The following RXYLT1 variants were observed in gnomAD, a reference collection of about 807,000 sequenced individuals.
The protein encoded by RXYLT1 is ribitol-5-phosphate xylosyltransferase 1.
RXYLT1 carries 41 observed loss-of-function variants against 43.5 expected under a neutral mutation model. The observed-to-expected ratio is 0.94, with a 90% confidence interval of 0.73 to 1.22. The LOEUF (loss-of-function observed/expected upper bound fraction) is 1.22, where lower values mean the gene tolerates loss of function less well. Among genes scored for constraint, RXYLT1 ranks in the 50% most tolerant of loss-of-function variants. The pLI, the probability that RXYLT1 is intolerant of heterozygous loss-of-function variation, is 0.00. For synonymous variants in RXYLT1, 166 were observed against 194.4 expected, an observed-to-expected ratio of 0.85 and a Z score of 1.21; for missense variants, 514 against 532.0, an observed-to-expected ratio of 0.97 and a Z score of 0.33.
At chr12:63,787,928 C>T (rs1213128388) in intron 3 of RXYLT1, among the ~76,000 whole-genome samples, 1 of 152,088 alleles carries the variant, frequency 6.6e-6, no homozygotes, top group Non-Finnish European at 1.5e-5. Context: ...TCGTGTCTGG[C>T]CAAAAAGTAT....
intron 3 of RXYLT1, among the ~76,000 whole-genome samples, chr12:63,797,421 G>A (rs759938326): frequency 6.6e-6 from 1 of 152,212 alleles, no homozygotes; most frequent in Non-Finnish European, 1.5e-5. Flanking sequence ...TAAAGGAGGT[G>A]ATAGCTGAGC....
In RXYLT1 at chr12:63,802,398, G is replaced by A; in HGVS notation, c.736G>A (p.Val246Ile). The change falls in exon 4 of 6, where the codon GTA (valine) becomes ATA (isoleucine). Residue 246 changes from valine to isoleucine, a missense_variant. Coordinates refer to ENST00000261234, the MANE Select transcript of RXYLT1 (RefSeq NM_014254.3). ...GGATGTTTTTCAGTGGCCTTTAGGA[G>A]TAGCAACGTAAGTACAAAATATGAT... ...DVDVFQWPLG[V>I]ATYRNFPVVE... 1 of 1,569,180 alleles carries A rather than the reference G, an allele frequency of 6.4e-7. No homozygotes were observed. The highest frequency in any genetic ancestry group is 8.6e-7 in the Non-Finnish European group (1 of 1,156,354).
At position 63,809,443 on chromosome 12, in the gene RXYLT1, T is replaced by G. The variant is rs939504636; in HGVS notation, c.*351T>G. 2.2e-5 allele frequency: 4 copies of G among 179,464 alleles called. No individual in the cohort carries two copies. The highest frequency in any genetic ancestry group is 9.6e-5 in the African/African-American group (4 of 41,816). The allele number at this position is 179,464 out of a possible 1,614,324, so 11.1% of individuals were successfully genotyped here. ...GCAATTATGTCCTGTACATAATATT[T>G]AATAATGACAATAAATGACTATGTT... On this transcript the variant is annotated 3_prime_UTR_variant, in exon 6 of 6. Transcript: ENST00000261234.
chr12:63,806,968 A>AT (rs1266195544), intron 5 of RXYLT1: 1 of 152,216 alleles, frequency 6.6e-6, no homozygotes, highest in African/African-American at 2.4e-5. Context: ...CCCTCCTCCA[A>AT]TAATCTGGGC....
chr12:63,786,915 A>T (rs764110037), intron 3 of RXYLT1, among the ~76,000 whole-genome samples: 25 of 152,106 alleles, frequency 1.6e-4, no homozygotes, highest in Admixed American at 2.6e-4. Context: ...GGAGTTCGAG[A>T]CCAACCTGGC....
chr12:63,801,746 A>G (rs1898163392), intron 3 of RXYLT1, among the ~76,000 whole-genome samples: 3 of 152,130 alleles, frequency 2.0e-5, no homozygotes, highest in Admixed American at 6.5e-5. Context: ...CACCTGAGCC[A>G]GGGAAGTTGA....
intron 2 of RXYLT1, among the ~76,000 whole-genome samples, chr12:63,783,440 G>A (rs1022429455): frequency 9.9e-5 from 15 of 151,692 alleles, no homozygotes; most frequent in Admixed American, 8.5e-4. Context: ...CAGCCTGGGC[G>A]ACAGAGCGAG....
chr12:63,803,313 C>A (rs1268993943), intron 4 of RXYLT1, among the ~76,000 whole-genome samples: 1 of 151,336 alleles, frequency 6.6e-6, no homozygotes, highest in Non-Finnish European at 1.5e-5. Flanking sequence ...AGATAAGTTG[C>A]CACTAGTATA....
rs967273675 is a variant in RXYLT1, at chr12:63,808,504, A to G, written c.915-171A>G. ...AACTGTAAAATGTTCCAATTCTTCA[A>G]CATTTTTAAGAAATCTGTTTGGGCC... On this transcript the variant is annotated intron_variant, in intron 5 of 5. Coordinates refer to ENST00000261234, the MANE Select transcript of RXYLT1 (RefSeq NM_014254.3). 1.2e-5 allele frequency: 8 copies of G among 660,586 alleles called. No homozygotes were observed. In the South Asian group the frequency reaches 1.8e-4, roughly 15 times the overall value. The allele number at this position is 660,586 out of a possible 1,614,324, so 40.9% of individuals were successfully genotyped here.
At chr12:63,802,022 A>G in intron 3 of RXYLT1, 69 bp from the exon 4 acceptor site, 2 of 1,397,244 alleles carry the variant, frequency 1.4e-6, no homozygotes, top group Admixed American at 4.8e-5. Flanking sequence ...AAAATGATGA[A>G]TTTCTGATAC....
chr12:63,780,881 C>T (rs965160936), intron 1 of RXYLT1, 138 bp from the exon 2 acceptor site: 1 of 682,506 alleles, frequency 1.5e-6, no homozygotes, highest in Non-Finnish European at 2.2e-6. Context: ...TGTGTATTAC[C>T]AGTTTAAATT....
chr12:63,802,521 A>G (rs1898186705), intron 4 of RXYLT1, 116 bp downstream of exon 4: 2 of 929,404 alleles, frequency 2.2e-6, no homozygotes, highest in East Asian at 2.7e-5. Flanking sequence ...GAGGCCAGGT[A>G]CAGTCTTTCT....
chr12:63,794,125 A>T (rs1897977421), intron 3 of RXYLT1, among the ~76,000 whole-genome samples: 1 of 152,182 alleles, frequency 6.6e-6, no homozygotes, highest in Admixed American at 6.5e-5. Flanking sequence ...CTCCAGTAGG[A>T]TTCTCTGGGG....
intron 5 of RXYLT1, chr12:63,808,387 G>A (rs933629113): frequency 7.8e-6 from 3 of 386,678 alleles, no homozygotes; most frequent in Non-Finnish European, 9.2e-6. Context: ...GGCAAGGTAG[G>A]GAAGAGAGGA....
At chr12:63,803,601 C>G (rs1214046856) in intron 4 of RXYLT1, 2 of 152,122 alleles carry the variant, frequency 1.3e-5, no homozygotes, top group African/African-American at 4.8e-5. Flanking sequence ...CTATAACACC[C>G]TAACTCAGTA....
intron 3 of RXYLT1, among the ~76,000 whole-genome samples, chr12:63,799,073 G>A (rs1025824915): frequency 6.6e-6 from 1 of 152,158 alleles, no homozygotes; most frequent in Admixed American, 6.5e-5. Flanking sequence ...TGGCTTCGCA[G>A]TATTGACCCC....
At chr12:63,782,722 T>C (rs1592839885) in intron 2 of RXYLT1, 1 of 418,656 alleles carries the variant, frequency 2.4e-6, no homozygotes. Context: ...ACATGTATAA[T>C]CTCTTCAAAG....
Position 63,805,254 on chromosome 12 carries a change from T to G in RXYLT1, c.764T>G (p.Val255Gly), listed in dbSNP as rs1241144387. Residue 255 changes from valine to glycine, a missense_variant, in exon 5 of 6, where the codon GTG becomes GGG. Val to Gly is a moderately radical substitution (Grantham distance 109, BLOSUM62 -3). Transcript: ENST00000261234. The stretch of plus-strand genomic sequence containing the variant: ...TATAGATACAGGAATTTTCCTGTGG[T>G]GGAGGCAAGTTGGTCAATGCTGCAT... ...GVATYRNFPV[V>G]EASWSMLHDE... 6.2e-7 allele frequency: 1 copy of G among 1,600,764 alleles called. No homozygotes were observed. Among genetic ancestry groups the G allele is most frequent in the Admixed American group, 1.8e-5 (1 of 56,110 alleles).
intron 3 of RXYLT1, among the ~76,000 whole-genome samples, chr12:63,795,929 C>T (rs1023326970): frequency 1.4e-4 from 22 of 152,140 alleles, no homozygotes; most frequent in African/African-American, 4.3e-4. Context: ...AAATCCATTA[C>T]ACCTTTCATC....
Sources: allele counts gnomAD v4.1 joint callset (sites outside exome capture counted in the v4.1 genomes callset), GRCh38; gene constraint gnomAD v4.1.1; transcripts MANE v1.5; gene names NCBI Gene and HGNC (gene_info 2026-07-23, HGNC 2026-07-21).